The following PTN variants were observed in gnomAD, a reference collection of about 807,000 sequenced individuals.
PTN encodes pleiotrophin.
PTN carries 18 observed loss-of-function variants against 24.1 expected under a neutral mutation model. The observed-to-expected ratio is 0.75, with a 90% CI of 0.52 to 1.11. The LOEUF (loss-of-function observed/expected upper bound fraction) is 1.11. Among genes scored for constraint, PTN ranks in the 50% least tolerant of loss-of-function variants. The pLI, the probability that PTN is intolerant of heterozygous loss-of-function variation, is 0.00. For missense variants in PTN, 163 were observed against 198.8 expected (o/e 0.82, Z 1.08); for synonymous variants, 78 against 68.6 (o/e 1.14, Z -0.67).
intron 1 of PTN, among the ~76,000 whole-genome samples, chr7:137,324,292 C>T (rs1810213984): frequency 1.3e-5 from 2 of 150,822 alleles, no homozygotes; most frequent in East Asian, 2.0e-4. Context: ...CTACTCGGAA[C>T]GTGGAGAAAG....
At chr7:137,334,164 A>C (rs1268543089) in intron 1 of PTN, among the ~76,000 whole-genome samples, 3 of 151,108 alleles carry the variant, frequency 2.0e-5, no homozygotes, top group South Asian at 4.2e-4. Context: ...ACCAAAAGCA[A>C]TGGCAACAAA....
At position 137,227,716 on chromosome 7, in the gene PTN, T is replaced by TA. The variant is rs145908029; in HGVS notation, c.*303dup. 6.3e-4 allele frequency: 141 copies of TA among 222,186 alleles called. 3 individuals are homozygous for TA. In the South Asian group the frequency reaches 0.023, roughly 36 times the overall value. 13.8% of individuals were successfully genotyped at this position (222,186 alleles called of 1,614,324 possible). A position where few individuals can be genotyped will look rare whatever the true frequency, so the allele number is the denominator to read the frequency against. ...CATTTAAATTGCTGCCCAAAAAATG[T>TA]AAAAAAAATTTAATGTAAAATGTCA... On this transcript the variant is annotated 3_prime_UTR_variant, in exon 5 of 5. Coordinates refer to ENST00000348225, the MANE Select transcript of PTN (RefSeq NM_002825.7).
At chr7:137,252,464 G>T (rs934128868) in intron 3 of PTN, among the ~76,000 whole-genome samples, 3 of 151,906 alleles carry the variant, frequency 2.0e-5, no homozygotes, top group African/African-American at 7.3e-5. Context: ...TATTCTCAAT[G>T]TAAGTCTTTA....
intron 1 of PTN, among the ~76,000 whole-genome samples, chr7:137,321,295 G>A (rs373851682): frequency 6.6e-6 from 1 of 152,182 alleles, no homozygotes; most frequent in Non-Finnish European, 1.5e-5. Flanking sequence ...AAGAATCAAA[G>A]AGATGTTTGT....
At chr7:137,238,374 T>C (rs1808561296) in intron 4 of PTN, among the ~76,000 whole-genome samples, 1 of 152,192 alleles carries the variant, frequency 6.6e-6, no homozygotes. Context: ...TCAAGGAACA[T>C]AGCTGCTTTA....
At chr7:137,240,908 A>G (rs149990821) in intron 4 of PTN, among the ~76,000 whole-genome samples, 2,129 of 152,290 alleles carry the variant, frequency 0.014, 159 homozygotes, top group Admixed American at 0.13. Context: ...TGTGCTAGGT[A>G]TATGTATTAG....
intron 1 of PTN, among the ~76,000 whole-genome samples, chr7:137,304,291 G>A (rs1299276144): frequency 6.6e-6 from 1 of 151,842 alleles, no homozygotes; most frequent in Non-Finnish European, 1.5e-5. Context: ...GAAATCAGAA[G>A]CTTTAATTCA....
chr7:137,269,491 A>C (rs1020733366), intron 1 of PTN, among the ~76,000 whole-genome samples: 2 of 152,066 alleles, frequency 1.3e-5, no homozygotes, highest in African/African-American at 4.8e-5. Context: ...ATAGCATGCA[A>C]GTCTTGTGGT....
At chr7:137,306,258 A>G (rs181088787) in intron 1 of PTN, among the ~76,000 whole-genome samples, 13 of 152,162 alleles carry the variant, frequency 8.5e-5, no homozygotes, top group Non-Finnish European at 1.5e-4. Context: ...ATTATTATGA[A>G]ATTGATGGGC....
intron 1 of PTN, among the ~76,000 whole-genome samples, chr7:137,280,871 CAA>C (rs545644934): frequency 4.0e-4 from 26 of 65,706 alleles, no homozygotes; most frequent in Non-Finnish European, 6.1e-4. Context: ...GACTTTGTCT[CAA>C]AAAAAAAAAA....
intron 4 of PTN, among the ~76,000 whole-genome samples, chr7:137,242,847 C>T (rs1036392015): frequency 2.6e-5 from 4 of 152,170 alleles, no homozygotes; most frequent in African/African-American, 4.8e-5. Flanking sequence ...CCCCCACGGA[C>T]GGGTCCATCC....
chr7:137,242,707 G>A (rs1280299949), intron 4 of PTN, among the ~76,000 whole-genome samples: 1 of 152,156 alleles, frequency 6.6e-6, no homozygotes, highest in African/African-American at 2.4e-5. Context: ...TCTCACTGGA[G>A]CCTCCCACAC....
chr7:137,288,663 G>A (rs1251796625), intron 1 of PTN, among the ~76,000 whole-genome samples: 2 of 152,116 alleles, frequency 1.3e-5, no homozygotes, highest in Non-Finnish European at 2.9e-5. Flanking sequence ...TCAGCCTTTT[G>A]GCTAAGATCA....
chr7:137,246,664 G>A (rs573760323), intron 4 of PTN, among the ~76,000 whole-genome samples: 1 of 152,218 alleles, frequency 6.6e-6, no homozygotes, highest in African/African-American at 2.4e-5. Flanking sequence ...GATTTTCTCT[G>A]TCCTCATTTG....
intron 4 of PTN, among the ~76,000 whole-genome samples, chr7:137,248,635 G>C (rs576840565): frequency 5.3e-5 from 8 of 152,242 alleles, no homozygotes; most frequent in African/African-American, 1.9e-4. Context: ...GGCCGAGATC[G>C]CCTCACTGCC....
intron 1 of PTN, among the ~76,000 whole-genome samples, chr7:137,269,043 C>A (rs1309781991): frequency 6.6e-6 from 1 of 152,164 alleles, no homozygotes; most frequent in Non-Finnish European, 1.5e-5. Context: ...AAATAATGGT[C>A]TTCCCCTTTT....
chr7:137,255,192 C>T (rs1180891955), intron 1 of PTN, among the ~76,000 whole-genome samples: 1 of 152,192 alleles, frequency 6.6e-6, no homozygotes, highest in Non-Finnish European at 1.5e-5. Flanking sequence ...ACTGACAAAA[C>T]GCAACAGTTC....
chr7:137,278,037 G>T (rs924885065), intron 1 of PTN, among the ~76,000 whole-genome samples: 2 of 152,030 alleles, frequency 1.3e-5, no homozygotes, highest in African/African-American at 4.8e-5. Context: ...GCCGGGCGCG[G>T]TGGCTCACGC....
chr7:137,312,732 G>T (rs1810004627), intron 1 of PTN, among the ~76,000 whole-genome samples: 1 of 151,990 alleles, frequency 6.6e-6, no homozygotes, highest in Non-Finnish European at 1.5e-5. Flanking sequence ...TAAAAAAATT[G>T]AAAACTCTTA....
Sources: gnomAD v4.1 joint callset for allele counts (sites outside exome capture counted in the v4.1 genomes callset) on GRCh38, gnomAD v4.1.1 for gene constraint, MANE v1.5 for transcripts, NCBI Gene and HGNC (gene_info 2026-07-23, HGNC 2026-07-21) for gene names.